The following INPP5E variants were observed in gnomAD, a reference collection of about 807,000 sequenced individuals.
INPP5E encodes the protein inositol polyphosphate-5-phosphatase E.
In INPP5E, 34 loss-of-function variants were observed where a neutral mutation model predicts 50.5. That is an observed-to-expected ratio of 0.67 (90% confidence interval 0.51 to 0.90). The LOEUF is 0.90. INPP5E is among the 40% of genes least tolerant of loss of function. INPP5E has a pLI of 0.00. For synonymous variants in INPP5E, 447 were observed against 406.0 expected, an observed-to-expected ratio of 1.10 and a Z score of -1.21; for missense variants, 942 against 905.5, an observed-to-expected ratio of 1.04 and a Z score of -0.52.
chr9:136,434,603 G>A (rs1005486086), intron 2 of INPP5E, 137 bp downstream of exon 2: 17 of 1,191,778 alleles, frequency 1.4e-5, no homozygotes, highest in East Asian at 1.0e-4. Flanking sequence ...CCTGTACTGC[G>A]GTTAGCAGTG....
Position 136,429,615 on chromosome 9 carries a change from G to C in INPP5E, c.*60C>G. The C allele has an allele frequency of 3.1e-6, 5 of 1,602,860 alleles. No homozygotes were observed. The highest frequency in any genetic ancestry group is 1.3e-5 in the African/African-American group (1 of 74,918). The stretch of plus-strand genomic sequence containing the variant: ...GGCGGCAAACTCTTTGTCCTTCCCA[G>C]TGGGTTTTGATCAATACAATCACCC... On this transcript the variant is annotated 3_prime_UTR_variant, in exon 10 of 10. Coordinates refer to ENST00000371712, the MANE Select transcript of INPP5E (RefSeq NM_019892.6).
rs774085718 is a variant in INPP5E at position 136,438,735 on chromosome 9, G to A, written c.685C>T (p.Arg229Trp). Reference sequence around the variant, plus strand: ...CCGGGGCCCAGGCTGCTGTGGGCCCGCACCAGGAGCGGCTGCGCGCGGAGC... The same window carrying A: ...CCGGGGCCCAGGCTGCTGTGGGCCCACACCAGGAGCGGCTGCGCGCGGAGC... ...YKLRAQPLLV[R>W]AHSSLGPGRP... The change falls in exon 1 of 10, where the codon CGG (arginine) becomes TGG (tryptophan). Residue 229 changes from arginine (R) to tryptophan (W), a missense_variant. Coordinates refer to ENST00000371712, the MANE Select transcript of INPP5E (RefSeq NM_019892.6). 15 of 1,610,574 alleles carry A rather than the reference G, an allele frequency of 9.3e-6. No individual in the cohort carries two copies. The highest frequency in any genetic ancestry group is 1.3e-5 in the African/African-American group (1 of 74,878).
chr9:136,431,908 C>G lies in INPP5E; in HGVS notation c.1465G>C (p.Val489Leu). 1.2e-6 allele frequency: 2 copies of G among 1,611,226 alleles called. No individual in the cohort carries two copies. Among genetic ancestry groups the G allele is most frequent in the Non-Finnish European group, 8.5e-7 (1 of 1,179,540 alleles). Residue 489 changes from valine to leucine, a missense_variant, in exon 7 of 10, where the codon GTG becomes CTG. Coordinates refer to ENST00000371712, the MANE Select transcript of INPP5E (RefSeq NM_019892.6). ...AGGCCCTGGCACAGGAGGGCGTCCACGACTGTGCGCCCGCCACTCAGGCGG... is the reference window on the plus strand; with the variant it reads ...AGGCCCTGGCACAGGAGGGCGTCCAGGACTGTGCGCCCGCCACTCAGGCGG... ...NFRLSGGRTV[V>L]DALLCQGLVV...
chr9:136,438,950 C>G lies in INPP5E; in HGVS notation c.470G>C (p.Gly157Ala), dbSNP rs1375169715. The G allele has an allele frequency of 1.3e-6, 2 of 1,569,546 alleles. No individual in the cohort carries two copies. The highest frequency in any genetic ancestry group is 2.3e-5 in the East Asian group (1 of 42,802). The change falls in exon 1 of 10, where the codon GGG becomes GCG. Residue 157 changes from glycine (G) to alanine (A), a missense_variant. Physicochemically the swap from Gly to Ala is moderately conservative, Grantham distance 60. Transcript: ENST00000371712. ...GGCCACCCCAGAGAGAGGGTTACCCCCCGAGGACGGGCTCCCTCTCTCACT... is the reference window on the plus strand; with the variant it reads ...GGCCACCCCAGAGAGAGGGTTACCCGCCGAGGACGGGCTCCCTCTCTCACT... ...LSSERGSPSS[G>A]GNPLSGVASS...
At chr9:136,432,125 G>T (rs1835722269) in intron 6 of INPP5E, 140 bp from the exon 7 acceptor site, 6 of 1,033,366 alleles carry the variant, frequency 5.8e-6, no homozygotes, top group Non-Finnish European at 8.8e-6. Context: ...TCAGGGGTGG[G>T]ATTCGCACTG....
chr9:136,434,323 C>A (rs1035823755), intron 2 of INPP5E, among the ~76,000 whole-genome samples, 189 bp from the exon 3 acceptor site: 1 of 152,200 alleles, frequency 6.6e-6, no homozygotes, highest in African/African-American at 2.4e-5. Flanking sequence ...TCACGTTGGC[C>A]CTCGGCCTGT....
chr9:136,430,687 A>C (rs1294079726), intron 8 of INPP5E, among the ~76,000 whole-genome samples: 1 of 152,198 alleles, frequency 6.6e-6, no homozygotes, highest in Non-Finnish European at 1.5e-5. Context: ...ATATCGGGAC[A>C]TGCCCAGAGA....
At chr9:136,433,853 G>A (rs1030229802) in intron 3 of INPP5E, among the ~76,000 whole-genome samples, 184 bp downstream of exon 3, 93 of 152,106 alleles carry the variant, frequency 6.1e-4, no homozygotes, top group African/African-American at 2.1e-3. Context: ...GGCAGCCCCC[G>A]GGCAGGCACT....
rs1307835037 is a variant in INPP5E at position 136,434,788 on chromosome 9, G to A, written c.888C>T (p.Asp296=). ...TGGCCACGAAGAGTGCCACGTTCCGGTCTGGGAAGTAGCGGGCCAGCTCAT... is the reference window on the plus strand; with the variant it reads ...TGGCCACGAAGAGTGCCACGTTCCGATCTGGGAAGTAGCGGGCCAGCTCAT... ...GADELARYFP[D]RNVALFVATW... is the part of the protein sequence containing the mutation. The change falls in exon 2 of 10, where the codon GAC becomes GAT. Residue 296 remains aspartate (D), a synonymous_variant. Transcript: ENST00000371712. 7 of 1,611,906 alleles carry A rather than the reference G, an allele frequency of 4.3e-6. No homozygotes were observed. The African/African-American group carries it at 8.0e-5, about 18-fold the overall frequency.
chr9:136,429,792 A>G lies in INPP5E; in HGVS notation c.1818T>C (p.Ala606=), dbSNP rs770339939. 6.2e-7 allele frequency: 1 copy of G among 1,612,468 alleles called. No homozygotes were observed. The highest frequency in any genetic ancestry group is 1.1e-5 in the South Asian group (1 of 91,062). ...AGTACAGTTCTCTATCAAATTTGCC[A>G]GCTGCCAACGGAATGCTGTGGAGGA... ...RPGRDNIPLA[A]GKFDRELYLL... is the part of the protein sequence containing the mutation. The change falls in exon 10 of 10, where the codon GCT becomes GCC. Residue 606 remains alanine (A), a synonymous_variant. Coordinates refer to ENST00000371712, the MANE Select transcript of INPP5E (RefSeq NM_019892.6).
chr9:136,429,469 C>T lies in INPP5E; in HGVS notation c.*206G>A. The T allele has an allele frequency of 1.4e-6, 1 of 714,312 alleles. No individual in the cohort carries two copies. The allele number at this position is 714,312 out of a possible 1,614,324, so 44.2% of individuals were successfully genotyped here. Reference sequence around the variant, plus strand: ...TGGACCTGCCATGGAGACGGGGGTCCAAGCCCTGCCCACCCACACCGTGTG... The same window carrying T: ...TGGACCTGCCATGGAGACGGGGGTCTAAGCCCTGCCCACCCACACCGTGTG... On this transcript the variant is annotated 3_prime_UTR_variant, in exon 10 of 10. Transcript: ENST00000371712.
chr9:136,430,975 T>C (rs772484080), intron 8 of INPP5E, 27 bp downstream of exon 8: 1 of 1,484,448 alleles, frequency 6.7e-7, no homozygotes, highest in Admixed American at 1.7e-5. Flanking sequence ...GGAAGCACTC[T>C]GCACCGCAGC....
chr9:136,430,285 C>G lies in INPP5E; in HGVS notation c.1794G>C (p.Gly598=). ...AGCGGGAGAACACTGACTTGTCTCG[C>G]CCCGGCCTCACTTTCACCCGGAAGA... ...YGLFRVKVRP[G]RDNIPLAAGK... is the part of the protein sequence containing the mutation. Residue 598 remains glycine (G), a synonymous_variant, in exon 9 of 10, where the codon GGG becomes GGC. Coordinates refer to ENST00000371712, the MANE Select transcript of INPP5E (RefSeq NM_019892.6). 6.4e-7 allele frequency: 1 copy of G among 1,551,220 alleles called. No individual in the cohort carries two copies. The highest frequency in any genetic ancestry group is 8.7e-7 in the Non-Finnish European group (1 of 1,146,930).
intron 1 of INPP5E, 106 bp from the exon 2 acceptor site, chr9:136,434,969 TG>T: frequency 7.1e-7 from 1 of 1,399,462 alleles, no homozygotes; most frequent in Non-Finnish European, 9.9e-7. Context: ...TGTCAGGAGC[TG>T]CCCCCAGCCC....
At position 136,429,624 on chromosome 9, in the gene INPP5E, G is replaced by C. The variant is rs1002230416; in HGVS notation, c.*51C>G. On this transcript the variant is annotated 3_prime_UTR_variant, in exon 10 of 10. Transcript: ENST00000371712. ...CTCTTTGTCCTTCCCAGTGGGTTTT[G>C]ATCAATACAATCACCCCACGTTGCA... The C allele has an allele frequency of 6.2e-7, 1 of 1,608,106 alleles. No individual in the cohort carries two copies. Among genetic ancestry groups the C allele is most frequent in the Non-Finnish European group, 8.5e-7 (1 of 1,177,280 alleles).
At position 136,433,034 on chromosome 9, in the gene INPP5E, T is replaced by C. The variant is rs1314634788; in HGVS notation, c.1201A>G (p.Ile401Val). 2.5e-6 allele frequency: 4 copies of C among 1,613,264 alleles called. No individual in the cohort carries two copies. In the African/African-American group the frequency reaches 5.4e-5, roughly 22 times the overall value. Residue 401 changes from isoleucine to valine, a missense_variant, in exon 5 of 10, where the codon ATC (isoleucine) becomes GTC (valine). Coordinates refer to ENST00000371712, the MANE Select transcript of INPP5E (RefSeq NM_019892.6). The stretch of plus-strand genomic sequence containing the variant: ...ATGCCCAAGGCCCCCTTGGTCTTGA[T>C]CTGAGACACGATGCGTGTGGTCACC... ...STVTTRIVSQ[I>V]KTKGALGISF...
At chr9:136,432,012 C>A in intron 6 of INPP5E, 27 bp from the exon 7 acceptor site, 1 of 1,612,536 alleles carries the variant, frequency 6.2e-7, no homozygotes, top group Non-Finnish European at 8.5e-7. Context: ...CATGTGTGGG[C>A]ACAGGCAGAG....
At position 136,433,272 on chromosome 9, in the gene INPP5E, A is replaced by C; in HGVS notation, c.1042T>G (p.Trp348Gly). The change falls in exon 4 of 10, where the codon TGG becomes GGG. Residue 348 changes from tryptophan (W) to glycine (G), a missense_variant. Trp to Gly is a radical substitution (Grantham distance 184). Coordinates refer to ENST00000371712, the MANE Select transcript of INPP5E (RefSeq NM_019892.6). The part of the protein sequence containing the change: ...VQEGCSDRRE[W>G]ETRLQETLGP... ...AGCGTCTCCTGCAGACGAGTCTCCC[A>C]CTCCCGCCTGCAGAGGAGGAAGCAC... 1 of 1,580,476 alleles carries C rather than the reference A, an allele frequency of 6.3e-7. No individual in the cohort carries two copies. Among genetic ancestry groups the C allele is most frequent in the East Asian group, 2.3e-5 (1 of 43,932 alleles).
chr9:136,435,215 G>A (rs893088336), intron 1 of INPP5E, among the ~76,000 whole-genome samples: 8 of 152,140 alleles, frequency 5.3e-5, no homozygotes, highest in African/African-American at 1.4e-4. Flanking sequence ...TTCGGGGAGG[G>A]GCTGGTCCTC....
Sources: gnomAD v4.1 joint callset for allele counts (sites outside exome capture counted in the v4.1 genomes callset) on GRCh38, gnomAD v4.1.1 for gene constraint, MANE v1.5 for transcripts, NCBI Gene and HGNC (gene_info 2026-07-23, HGNC 2026-07-21) for gene names.